CDH12: variants seen among roughly 807,000 people sequenced by gnomAD.
CDH12 encodes cadherin-12.
In CDH12, 41 loss-of-function variants were observed where a neutral mutation model predicts 74.1. The ratio of observed to expected loss-of-function variants is 0.55; its 90% CI spans 0.43 to 0.72. The LOEUF (loss-of-function observed/expected upper bound fraction) is 0.72. Among genes scored for constraint, CDH12 ranks in the 30% least tolerant of loss-of-function variants. CDH12 has a pLI of 0.00. For missense variants in CDH12, 945 were observed against 977.2 expected, an observed-to-expected ratio of 0.97 and a Z score of 0.44; for synonymous variants, 399 against 355.0, an observed-to-expected ratio of 1.12 and a Z score of -1.39.
intron 3 of CDH12, among the ~76,000 whole-genome samples, chr5:22,321,433 G>GA (rs1335210472): frequency 7.3e-6 from 1 of 136,916 alleles, no homozygotes; most frequent in African/African-American, 2.8e-5. Context: ...TCATAGGTGG[G>GA]AATTGAACAA....
chr5:22,360,678 T>C (rs986711336), intron 3 of CDH12, among the ~76,000 whole-genome samples: 5 of 152,128 alleles, frequency 3.3e-5, no homozygotes, highest in African/African-American at 4.8e-5. Flanking sequence ...GCAAAAATCC[T>C]CAATAAAATA....
chr5:22,801,249 A>C (rs1423525580), intron 1 of CDH12, among the ~76,000 whole-genome samples: 2 of 152,182 alleles, frequency 1.3e-5, no homozygotes, highest in South Asian at 2.1e-4. Context: ...ACAGGTGTGC[A>C]GTGGTTCCAT....
intron 3 of CDH12, among the ~76,000 whole-genome samples, chr5:22,365,411 T>C (rs1483486852): frequency 1.3e-5 from 2 of 152,220 alleles, no homozygotes; most frequent in East Asian, 1.9e-4. Context: ...CTCAACAGTA[T>C]TATTAAATGA....
At chr5:22,798,122 C>G (rs1448350636) in intron 1 of CDH12, among the ~76,000 whole-genome samples, 1 of 152,142 alleles carries the variant, frequency 6.6e-6, no homozygotes, top group East Asian at 1.9e-4. Flanking sequence ...TCCCCTGCCT[C>G]AAATAAATCC....
chr5:22,610,307 G>A (rs1198087591), intron 1 of CDH12, among the ~76,000 whole-genome samples: 2 of 152,126 alleles, frequency 1.3e-5, no homozygotes, highest in Non-Finnish European at 2.9e-5. Flanking sequence ...GACTTCAGAT[G>A]AGCATGAAGT....
chr5:22,520,887 G>A (rs1737025877), intron 1 of CDH12, among the ~76,000 whole-genome samples: 2 of 151,998 alleles, frequency 1.3e-5, no homozygotes, highest in East Asian at 3.9e-4. Context: ...TATTGCACGT[G>A]GTTTCCGTTA....
intron 5 of CDH12, among the ~76,000 whole-genome samples, chr5:22,035,585 T>A (rs1739119724): frequency 6.6e-6 from 1 of 151,940 alleles, no homozygotes; most frequent in Non-Finnish European, 1.5e-5. Context: ...CAAGAGAAAT[T>A]TTTTTAAAAT....
At chr5:22,833,960 G>C (rs924429889) in intron 1 of CDH12, among the ~76,000 whole-genome samples, 1 of 151,956 alleles carries the variant, frequency 6.6e-6, no homozygotes, top group African/African-American at 2.4e-5. Flanking sequence ...GCTTTGTTTT[G>C]AACCAAAGGA....
intron 6 of CDH12, chr5:21,883,397 G>A (rs1412137912): frequency 1.5e-5 from 23 of 1,558,926 alleles, no homozygotes; most frequent in Non-Finnish European, 1.9e-5. Flanking sequence ...CTCACCATAA[G>A]CCTTTGGTGA....
At chr5:22,639,960 C>A (rs922810698) in intron 1 of CDH12, among the ~76,000 whole-genome samples, 1 of 152,090 alleles carries the variant, frequency 6.6e-6, no homozygotes, top group Non-Finnish European at 1.5e-5. Flanking sequence ...TCTTTTGTTT[C>A]TCTTTATTCA....
At chr5:22,753,786 G>T (rs1745732386) in intron 1 of CDH12, among the ~76,000 whole-genome samples, 1 of 151,550 alleles carries the variant, frequency 6.6e-6, no homozygotes, top group African/African-American at 2.4e-5. Flanking sequence ...ATTCTCTTTT[G>T]GTCCTCTAAA....
At chr5:22,552,098 T>G (rs891740154) in intron 1 of CDH12, among the ~76,000 whole-genome samples, 8 of 152,156 alleles carry the variant, frequency 5.3e-5, no homozygotes, top group Admixed American at 3.9e-4. Flanking sequence ...ATACAGTGTC[T>G]TGTTGAATTA....
rs1743686971 is a variant in CDH12, at chr5:22,422,337, TGAGATAATTA to T, written c.-427-16996_-427-16987del. ...TATAGAAGGCTTCTTCTGCATCTAT[TGAGATAATTA>T]TGCAGTTTTTTTCTTTAGTTCTGTT... On this transcript the variant is annotated intron_variant, in intron 2 of 14. Transcript: ENST00000382254. Among the ~76,000 whole-genome samples the T allele has an allele frequency of 2.0e-5, 3 of 152,164 alleles. No homozygotes were observed. In the South Asian group the frequency reaches 6.2e-4, roughly 31 times the overall value.
At chr5:22,555,365 A>G (rs1376903732) in intron 1 of CDH12, among the ~76,000 whole-genome samples, 4 of 152,064 alleles carry the variant, frequency 2.6e-5, no homozygotes, top group African/African-American at 9.6e-5. Flanking sequence ...TGCTTCATTT[A>G]TATAATGTCT....
chr5:21,894,983 A>G (rs1376888017), intron 6 of CDH12, among the ~76,000 whole-genome samples: 1 of 150,452 alleles, frequency 6.6e-6, no homozygotes, highest in East Asian at 2.0e-4. Context: ...AACCAAAATT[A>G]CTTTTGCACC....
At position 22,773,647 on chromosome 5, in the gene CDH12, T is replaced by A. The variant is rs185716496; in HGVS notation, c.-523+79411A>T. 4.0e-3 allele frequency among the ~76,000 whole-genome samples: 612 copies of A among 152,072 alleles called. 5 individuals are homozygous for A. Among genetic ancestry groups the A allele is most frequent in the African/African-American group, 0.012 (510 of 41,538 alleles). On this transcript the variant is annotated intron_variant, in intron 1 of 14. Transcript: ENST00000382254. The stretch of plus-strand genomic sequence containing the variant: ...TGCAATAAAAACAAAAATAGACAAG[T>A]GGGACCTAAACTAAAGAGCTTCTGC...
intron 4 of CDH12, among the ~76,000 whole-genome samples, chr5:22,109,410 A>G (rs6452052): frequency 0.58 from 88,031 of 152,050 alleles, 25,881 homozygotes; most frequent in African/African-American, 0.67. Context: ...ATGTGCAGGT[A>G]TCACTTGGTC....
chr5:22,611,624 T>G (rs1316514944), intron 1 of CDH12, among the ~76,000 whole-genome samples: 1 of 152,110 alleles, frequency 6.6e-6, no homozygotes, highest in Admixed American at 6.6e-5. Context: ...CAGAGTATTA[T>G]TCATATAGAG....
intron 5 of CDH12, among the ~76,000 whole-genome samples, chr5:22,075,038 T>G (rs974749420): frequency 1.4e-4 from 21 of 151,956 alleles, no homozygotes; most frequent in Non-Finnish European, 2.5e-4. Flanking sequence ...CTATTCACAA[T>G]AGCAAAGACT....
Sources: gnomAD v4.1 joint callset for allele counts (sites outside exome capture counted in the v4.1 genomes callset) on GRCh38, gnomAD v4.1.1 for gene constraint, MANE v1.5 for transcripts, NCBI Gene and HGNC (gene_info 2026-07-23, HGNC 2026-07-21) for gene names.